PTPRC: variants seen among roughly 807,000 people sequenced by gnomAD.
PTPRC encodes protein tyrosine phosphatase receptor type C.
A neutral mutation model predicts 155.9 loss-of-function variants in PTPRC; 44 were observed. That is an observed-to-expected ratio of 0.28 (90% CI 0.22 to 0.36). PTPRC has a LOEUF of 0.36. PTPRC is among the 10% of genes least tolerant of loss of function. The pLI, the probability that PTPRC is intolerant of heterozygous loss-of-function variation, is 1.00. For synonymous variants in PTPRC, 525 were observed against 533.1 expected (o/e 0.98, Z 0.21); for missense variants, 1,401 against 1,564.6 (o/e 0.90, Z 1.76).
chr1:198,722,176 T>C (rs915746853), intron 14 of PTPRC, among the ~76,000 whole-genome samples: 2 of 150,658 alleles, frequency 1.3e-5, no homozygotes, highest in Non-Finnish European at 3.0e-5. Flanking sequence ...TTAATAATTG[T>C]TTAATAACTA....
intron 28 of PTPRC, chr1:198,750,208 C>A: frequency 2.4e-6 from 1 of 420,364 alleles, no homozygotes. Context: ...ATCACATTAA[C>A]CTTTATAGAG....
chr1:198,645,128 A>G (rs929330180), intron 2 of PTPRC, among the ~76,000 whole-genome samples: 6 of 151,826 alleles, frequency 4.0e-5, no homozygotes, highest in African/African-American at 1.2e-4. Flanking sequence ...TAACACACTC[A>G]TACGTATTAG....
At chr1:198,676,525 A>C (rs1664962800) in intron 2 of PTPRC, among the ~76,000 whole-genome samples, 1 of 152,096 alleles carries the variant, frequency 6.6e-6, no homozygotes, top group Non-Finnish European at 1.5e-5. Context: ...CTGTTTAGTG[A>C]AGTGAGGGCT....
At chr1:198,749,739 T>TAATA in intron 28 of PTPRC, among the ~76,000 whole-genome samples, 190 bp downstream of exon 28, 1 of 151,864 alleles carries the variant, frequency 6.6e-6, no homozygotes, top group East Asian at 1.9e-4. Flanking sequence ...TACTATAACC[T>TAATA]AATAACCTGA....
chr1:198,736,428 C>A (rs1165904020), intron 23 of PTPRC, among the ~76,000 whole-genome samples: 1 of 151,580 alleles, frequency 6.6e-6, no homozygotes, highest in Non-Finnish European at 1.5e-5. Context: ...AAATAAGTAA[C>A]AACATATGAA....
intron 15 of PTPRC, among the ~76,000 whole-genome samples, chr1:198,723,411 C>G (rs1294847875): frequency 6.6e-6 from 1 of 152,100 alleles, no homozygotes; most frequent in African/African-American, 2.4e-5. Flanking sequence ...AATATAAAAA[C>G]AGCTTATTTT....
Position 198,639,237 on chromosome 1 carries a change from C to T in PTPRC, c.-32C>T. On this transcript the variant is annotated 5_prime_UTR_variant, in exon 2 of 33. Coordinates refer to ENST00000442510, the MANE Select transcript of PTPRC (RefSeq NM_002838.5). The stretch of plus-strand genomic sequence containing the variant: ...ATTTTGCTTTTCAGAAGGACGCATG[C>T]TGTTTCTTAGGGACACGGCTGACTT... 2 of 1,597,912 alleles carry T rather than the reference C, an allele frequency of 1.3e-6. No homozygotes were observed. The highest frequency in any genetic ancestry group is 1.7e-6 in the Non-Finnish European group (2 of 1,165,504).
At chr1:198,664,413 A>C (rs1256670206) in intron 2 of PTPRC, among the ~76,000 whole-genome samples, 1 of 152,198 alleles carries the variant, frequency 6.6e-6, no homozygotes, top group Non-Finnish European at 1.5e-5. Flanking sequence ...TCTTTCTGAG[A>C]GCACGTCTCA....
At chr1:198,646,318 A>C (rs1221894631) in intron 2 of PTPRC, among the ~76,000 whole-genome samples, 1 of 151,850 alleles carries the variant, frequency 6.6e-6, no homozygotes, top group East Asian at 1.9e-4. Context: ...TACTGAATAT[A>C]GCTTATGCTT....
intron 15 of PTPRC, among the ~76,000 whole-genome samples, chr1:198,726,202 C>T (rs1654125108): frequency 6.6e-6 from 1 of 152,072 alleles, no homozygotes; most frequent in Admixed American, 6.6e-5. Flanking sequence ...TTAGATGTTG[C>T]CTCTGATGAG....
chr1:198,643,834 C>CT (rs1031254849), intron 2 of PTPRC, among the ~76,000 whole-genome samples: 3 of 151,960 alleles, frequency 2.0e-5, no homozygotes, highest in South Asian at 2.1e-4. Flanking sequence ...GGTTTGAACA[C>CT]TGATGCTAGT....
intron 2 of PTPRC, among the ~76,000 whole-genome samples, chr1:198,665,714 C>G (rs751213546): frequency 6.6e-6 from 1 of 152,156 alleles, no homozygotes; most frequent in Non-Finnish European, 1.5e-5. Flanking sequence ...GGGTGGTAAA[C>G]ATGACAGAAA....
At chr1:198,707,583 A>T (rs986684715) in intron 9 of PTPRC, among the ~76,000 whole-genome samples, 14 of 152,198 alleles carry the variant, frequency 9.2e-5, no homozygotes, top group African/African-American at 3.1e-4. Context: ...CTATTAATAA[A>T]TTTGTTAACA....
intron 2 of PTPRC, among the ~76,000 whole-genome samples, chr1:198,683,432 G>T (rs922071002): frequency 6.6e-6 from 1 of 152,036 alleles, no homozygotes; most frequent in African/African-American, 2.4e-5. Context: ...GCTATCTGAA[G>T]TATATTGCAT....
At chr1:198,640,508 C>G (rs1368796366) in intron 2 of PTPRC, among the ~76,000 whole-genome samples, 1 of 151,714 alleles carries the variant, frequency 6.6e-6, no homozygotes, top group Non-Finnish European at 1.5e-5. Context: ...GGCTGTTTTG[C>G]TTTTTATTGC....
intron 2 of PTPRC, among the ~76,000 whole-genome samples, chr1:198,677,927 T>C (rs1345874667): frequency 6.6e-6 from 1 of 152,206 alleles, no homozygotes; most frequent in Non-Finnish European, 1.5e-5. Context: ...TCCAGCTTTT[T>C]TTTTTCCACA....
At position 198,748,197 on chromosome 1, in the gene PTPRC, C is replaced by T. The variant is rs3208670; in HGVS notation, c.2936C>T (p.Pro979Leu). 6.2e-7 allele frequency: 1 copy of T among 1,603,418 alleles called. No homozygotes were observed. Among genetic ancestry groups the T allele is most frequent in the Non-Finnish European group, 8.5e-7 (1 of 1,175,634 alleles). ...KSKNRNSNVI[P>L]YDYNRVPLKH... Reference sequence around the variant, plus strand: ...AAAAACAGGAATTCTAATGTCATCCCATGTATGTAGTTTATTTTTTTATTT... The same window carrying T: ...AAAAACAGGAATTCTAATGTCATCCTATGTATGTAGTTTATTTTTTTATTT... The change falls in exon 27 of 33, where the codon CCA becomes CTA. Residue 979 changes from proline (P) to leucine (L), a missense_variant and splice_region_variant. Pro to Leu is a moderately conservative substitution (Grantham distance 98). Coordinates refer to ENST00000442510, the MANE Select transcript of PTPRC (RefSeq NM_002838.5).
chr1:198,723,142 T>C (rs992836053), intron 15 of PTPRC, among the ~76,000 whole-genome samples: 3 of 150,068 alleles, frequency 2.0e-5, no homozygotes, highest in Admixed American at 1.3e-4. Flanking sequence ...TAAACAATAT[T>C]GTATACTGCT....
At chr1:198,645,616 T>A (rs1001960551) in intron 2 of PTPRC, among the ~76,000 whole-genome samples, 1 of 151,756 alleles carries the variant, frequency 6.6e-6, no homozygotes, top group Non-Finnish European at 1.5e-5. Context: ...AGAAGTAAAT[T>A]TTTTCATGTG....
Sources: gnomAD v4.1 joint callset for allele counts (sites outside exome capture counted in the v4.1 genomes callset) on GRCh38, gnomAD v4.1.1 for gene constraint, MANE v1.5 for transcripts, NCBI Gene and HGNC (gene_info 2026-07-23, HGNC 2026-07-21) for gene names.